Variants in ANO6 observed in about 807,000 individuals in gnomAD.
ANO6 encodes the protein anoctamin 6.
Under a neutral mutation model 117.5 loss-of-function variants are expected in ANO6, and 106 were observed. The ratio of observed to expected loss-of-function variants is 0.90; its 90% confidence interval spans 0.77 to 1.06. ANO6 has a LOEUF of 1.06. Ranked by LOEUF, ANO6 falls within the 50% of genes least tolerant of loss-of-function variation. The pLI is 0.00. For synonymous variants in ANO6, 367 were observed against 385.1 expected (o/e 0.95, Z 0.55); for missense variants, 955 against 1,121.1 (o/e 0.85, Z 2.12).
At chr12:45,341,678 T>C (rs1277511034) in intron 3 of ANO6, among the ~76,000 whole-genome samples, 3 of 152,126 alleles carry the variant, frequency 2.0e-5, no homozygotes, top group Admixed American at 1.3e-4. Context: ...AGGGGGAGTC[T>C]AGGTGACTCT....
At chr12:45,405,414 C>A (rs1326817724) in intron 15 of ANO6, among the ~76,000 whole-genome samples, 1 of 152,034 alleles carries the variant, frequency 6.6e-6, no homozygotes, top group African/African-American at 2.4e-5. Context: ...TTATACTATC[C>A]GTGGTTTATA....
In ANO6 at chr12:45,318,830, G is replaced by C. The variant is rs1940146337; in HGVS notation, c.151-12465G>C. ...AGTGGTTTGTAGTTCTCCTTGAGGA[G>C]GTCCTTCACATCCCTTTTAAGTTGG... is the stretch of plus-strand genomic sequence containing the variant. On this transcript the variant is annotated intron_variant, in intron 2 of 19. Transcript: ENST00000320560. Among the ~76,000 whole-genome samples the C allele has an allele frequency of 2.0e-5, 3 of 152,112 alleles. No homozygotes were observed. The South Asian group carries it at 6.2e-4, about 32-fold the overall frequency.
chr12:45,261,430 C>T (rs4768596), intron 1 of ANO6, among the ~76,000 whole-genome samples: 55,092 of 152,094 alleles, frequency 0.36, 12,256 homozygotes, highest in Non-Finnish European at 0.5. Context: ...GCTGTTAGCA[C>T]GCTCAGGGTT....
chr12:45,244,538 T>A (rs917184342), intron 1 of ANO6, among the ~76,000 whole-genome samples: 34 of 152,100 alleles, frequency 2.2e-4, no homozygotes, highest in Non-Finnish European at 2.9e-5. Flanking sequence ...ATAGTTTTCA[T>A]TAGATTCTTA....
At chr12:45,323,786 G>A (rs563245201) in intron 2 of ANO6, among the ~76,000 whole-genome samples, 20 of 151,962 alleles carry the variant, frequency 1.3e-4, no homozygotes, top group African/African-American at 4.8e-4. Context: ...TCTCATTTTG[G>A]ACTCTTTTCA....
chr12:45,333,575 ACT>A lies in ANO6; in HGVS notation c.279+2156_279+2157del, dbSNP rs1203989456. Among the ~76,000 whole-genome samples the A allele has an allele frequency of 2.0e-5, 3 of 152,092 alleles. No individual in the cohort carries two copies. The East Asian group carries it at 5.8e-4, about 29-fold the overall frequency. ...AGACAGAAACATAGGTCCCAAGGTA[ACT>A]CTCATAAATAAGGAGGAAAAAAATC... On this transcript the variant is annotated intron_variant, in intron 3 of 19. Coordinates refer to ENST00000320560, the MANE Select transcript of ANO6 (RefSeq NM_001025356.3).
intron 16 of ANO6, among the ~76,000 whole-genome samples, chr12:45,414,832 C>T (rs965984120): frequency 6.6e-6 from 1 of 152,154 alleles, no homozygotes; most frequent in African/African-American, 2.4e-5. Flanking sequence ...GGCACAATCC[C>T]GGCTCACTGC....
chr12:45,320,278 G>A (rs1228603123), intron 2 of ANO6, among the ~76,000 whole-genome samples: 2 of 151,728 alleles, frequency 1.3e-5, no homozygotes, highest in African/African-American at 4.8e-5. Context: ...TTCCCTCTAT[G>A]CACTGCTTTA....
chr12:45,326,765 C>T (rs945328288), intron 2 of ANO6, among the ~76,000 whole-genome samples: 1 of 152,174 alleles, frequency 6.6e-6, no homozygotes, highest in Non-Finnish European at 1.5e-5. Context: ...GCTGCTGCCC[C>T]TTCTGAAGCT....
At chr12:45,366,973 T>TTTTTG (rs575626566) in intron 8 of ANO6, among the ~76,000 whole-genome samples, 4 of 152,090 alleles carry the variant, frequency 2.6e-5, no homozygotes, top group South Asian at 2.1e-4. Flanking sequence ...ACTGAACTTA[T>TTTTTG]TTTTGTTTTG....
intron 1 of ANO6, among the ~76,000 whole-genome samples, chr12:45,258,438 T>G (rs1937912293): frequency 7.4e-6 from 1 of 135,422 alleles, no homozygotes; most frequent in Non-Finnish European, 1.6e-5. Flanking sequence ...CTTTTCTAAG[T>G]AGAAAAGGGA....
At chr12:45,249,375 G>A (rs1947869852) in intron 1 of ANO6, among the ~76,000 whole-genome samples, 1 of 151,974 alleles carries the variant, frequency 6.6e-6, no homozygotes, top group Non-Finnish European at 1.5e-5. Context: ...ATTATTCTGA[G>A]GTATTTATTC....
At chr12:45,292,588 C>A in intron 1 of ANO6, 1 of 988,156 alleles carries the variant, frequency 1.0e-6, no homozygotes, top group Non-Finnish European at 1.2e-6. Context: ...ATTAGGTAAT[C>A]CAGTTGTGTG....
At chr12:45,237,581 A>G (rs950148861) in intron 1 of ANO6, among the ~76,000 whole-genome samples, 5 of 152,068 alleles carry the variant, frequency 3.3e-5, no homozygotes, top group Non-Finnish European at 5.9e-5. Context: ...CCATTGGTCT[A>G]TATCTCTGTT....
intron 3 of ANO6, among the ~76,000 whole-genome samples, chr12:45,335,797 G>C (rs532558629): frequency 2.6e-5 from 4 of 152,004 alleles, no homozygotes; most frequent in South Asian, 4.1e-4. Flanking sequence ...ATTGTCAGAG[G>C]CATTTTAAAT....
chr12:45,345,924 T>C (rs556832535), intron 3 of ANO6, among the ~76,000 whole-genome samples: 15 of 139,664 alleles, frequency 1.1e-4, no homozygotes, highest in African/African-American at 4.1e-4. Flanking sequence ...GTGAGGACTT[T>C]GTTGCAGTGT....
intron 1 of ANO6, among the ~76,000 whole-genome samples, chr12:45,281,748 T>C (rs1283530818): frequency 6.6e-6 from 1 of 152,204 alleles, no homozygotes; most frequent in African/African-American, 2.4e-5. Flanking sequence ...CATTCCCCAT[T>C]ACAGAAATAA....
intron 7 of ANO6, among the ~76,000 whole-genome samples, chr12:45,355,658 G>A (rs534505713): frequency 6.6e-6 from 1 of 152,076 alleles, no homozygotes; most frequent in Non-Finnish European, 1.5e-5. Context: ...GCAAAGCTCC[G>A]GTCACGTGAA....
intron 1 of ANO6, among the ~76,000 whole-genome samples, chr12:45,280,196 T>C (rs1229660135): frequency 6.6e-6 from 1 of 152,248 alleles, no homozygotes; most frequent in Non-Finnish European, 1.5e-5. Context: ...TTTGAAAAGA[T>C]AATACGCCCA....
Sources: allele counts gnomAD v4.1 joint callset (sites outside exome capture counted in the v4.1 genomes callset), GRCh38; gene constraint gnomAD v4.1.1; transcripts MANE v1.5; gene names NCBI Gene and HGNC (gene_info 2026-07-23, HGNC 2026-07-21).